Variants in MLF1 observed in about 807,000 individuals in gnomAD.
The protein encoded by MLF1 is myeloid leukemia factor 1.
A neutral mutation model predicts 38.3 loss-of-function variants in MLF1; 37 were observed. The observed-to-expected ratio is 0.96, with a 90% CI of 0.74 to 1.27. The LOEUF (loss-of-function observed/expected upper bound fraction) is 1.27, where lower values mean the gene tolerates loss of function less well. Ranked by LOEUF, MLF1 falls within the 50% of genes most tolerant of loss-of-function variation. MLF1 has a pLI of 0.00. For missense variants in MLF1, 331 were observed against 349.2 expected (o/e 0.95, Z 0.42); for synonymous variants, 95 against 106.5 (o/e 0.89, Z 0.66).
At chr3:158,592,646 A>G in intron 2 of MLF1, 65 bp downstream of exon 2, 3 of 1,268,372 alleles carry the variant, frequency 2.4e-6, no homozygotes, top group Non-Finnish European at 2.2e-6. Flanking sequence ...AAAGTATTAC[A>G]GAAGTATATA....
intron 1 of MLF1, chr3:158,590,920 C>T (rs754183517): frequency 8.3e-5 from 34 of 410,064 alleles, no homozygotes; most frequent in Non-Finnish European, 2.9e-5. Flanking sequence ...TACATACAAG[C>T]ACAAATCCAG....
At chr3:158,580,216 C>G (rs1369563) in intron 1 of MLF1, among the ~76,000 whole-genome samples, 85,244 of 151,352 alleles carry the variant, frequency 0.56, 24,864 homozygotes, top group African/African-American at 0.72. Flanking sequence ...TGGGTTGATA[C>G]GTGTAGCAAA....
At chr3:158,603,893 G>A (rs1720149689) in intron 7 of MLF1, among the ~76,000 whole-genome samples, 1 of 152,060 alleles carries the variant, frequency 6.6e-6, no homozygotes, top group South Asian at 2.1e-4. Context: ...TACATACTCT[G>A]GAGCTACAGT....
At chr3:158,602,083 C>T (rs771373195) in intron 6 of MLF1, among the ~76,000 whole-genome samples, 44 of 151,744 alleles carry the variant, frequency 2.9e-4, no homozygotes, top group Non-Finnish European at 1.2e-4. Flanking sequence ...CCCAAAGTGC[C>T]GGGATTACAG....
rs568836541 is a variant in MLF1, at chr3:158,579,356, G to C, written c.47+8009G>C. Among the ~76,000 whole-genome samples, 77 of 152,234 alleles carry C rather than the reference G, an allele frequency of 5.1e-4. 2 individuals are homozygous for C. The South Asian group carries it at 0.016, about 31-fold the overall frequency. On this transcript the variant is annotated intron_variant, in intron 1 of 7. Transcript: ENST00000466246. Reference sequence around the variant, plus strand: ...AACATTAAAGCCTTATCTCCAAGCAGCTGCCTTTCTGGGTAGACATGAATT... The same window carrying C: ...AACATTAAAGCCTTATCTCCAAGCACCTGCCTTTCTGGGTAGACATGAATT...
chr3:158,582,782 C>T (rs1230193951), intron 1 of MLF1: 4 of 629,978 alleles, frequency 6.3e-6, no homozygotes, highest in African/African-American at 1.9e-5. Flanking sequence ...TAGACTGTCT[C>T]AGACAAACAA....
At chr3:158,586,800 A>G (rs1176435316) in intron 1 of MLF1, among the ~76,000 whole-genome samples, 1 of 110,624 alleles carries the variant, frequency 9.0e-6, no homozygotes, top group African/African-American at 4.3e-5. Context: ...CTGATTAAGG[A>G]AAAAATGTGG....
intron 1 of MLF1, among the ~76,000 whole-genome samples, chr3:158,573,810 TG>T (rs113664416): frequency 0.33 from 50,275 of 151,936 alleles, 8,440 homozygotes; most frequent in Middle Eastern, 0.37. Flanking sequence ...TGTGCGTCTG[TG>T]TTTGTTTGTT....
intron 1 of MLF1, among the ~76,000 whole-genome samples, chr3:158,589,965 G>C (rs1717884741): frequency 6.6e-6 from 1 of 152,088 alleles, no homozygotes; most frequent in African/African-American, 2.4e-5. Flanking sequence ...TGATTACATT[G>C]GGCCCACTGG....
chr3:158,580,404 A>G (rs751689907), intron 1 of MLF1, among the ~76,000 whole-genome samples: 19 of 152,130 alleles, frequency 1.2e-4, no homozygotes, highest in African/African-American at 3.4e-4. Context: ...CTGATTTTGG[A>G]AAACAAAAAA....
chr3:158,588,231 G>C (rs1261633084), intron 1 of MLF1, among the ~76,000 whole-genome samples: 1 of 152,152 alleles, frequency 6.6e-6, no homozygotes, highest in African/African-American at 2.4e-5. Flanking sequence ...AGCCTCAACT[G>C]ATAACTTCAT....
chr3:158,594,368 G>A (rs1718593599), intron 3 of MLF1, among the ~76,000 whole-genome samples: 1 of 152,160 alleles, frequency 6.6e-6, no homozygotes, highest in African/African-American at 2.4e-5. Context: ...AGACCTGCAG[G>A]CTAGGGAGCT....
intron 3 of MLF1, among the ~76,000 whole-genome samples, chr3:158,595,529 A>G (rs550194902): frequency 6.6e-6 from 1 of 152,232 alleles, no homozygotes; most frequent in South Asian, 2.1e-4. Flanking sequence ...ACCTTTCCAT[A>G]TCTCATGAAA....
rs1312929729 is a variant in MLF1, at chr3:158,606,173, A to G, written c.*971A>G. 1 of 177,874 alleles carries G rather than the reference A, an allele frequency of 5.6e-6. No homozygotes were observed. Among genetic ancestry groups the G allele is most frequent in the Non-Finnish European group, 1.2e-5 (1 of 82,762 alleles). 11.0% of individuals were successfully genotyped at this position (177,874 alleles called of 1,614,324 possible). On this transcript the variant is annotated 3_prime_UTR_variant, in exon 8 of 8. Transcript: ENST00000466246. ...CATTAAAAATCAGCTTTAGCTTTTT[A>G]ATTCTAGAATTTAAGCATCAGTCTG...
rs549220747 is a variant in MLF1 at position 158,584,725 on chromosome 3, C to A, written c.48-7709C>A. 4.7e-4 allele frequency among the ~76,000 whole-genome samples: 71 copies of A among 150,904 alleles called. 1 individual carries two copies. The highest frequency in any genetic ancestry group is 6.8e-3 in the Middle Eastern group (2 of 294). On this transcript the variant is annotated intron_variant, in intron 1 of 7. Coordinates refer to ENST00000466246, the MANE Select transcript of MLF1 (RefSeq NM_001369783.1). ...TATACTTTTTTATGTATATACCCCC[C>A]CCTACCAATAGAAAGTCTAACAGGG...
At chr3:158,598,319 A>C in intron 5 of MLF1, 111 bp downstream of exon 5, 6 of 525,658 alleles carry the variant, frequency 1.1e-5, no homozygotes, top group Non-Finnish European at 1.8e-5. Context: ...GTGGGGGGAC[A>C]GGAGGGAGGT....
intron 1 of MLF1, among the ~76,000 whole-genome samples, chr3:158,579,987 T>C (rs1202954925): frequency 1.3e-5 from 2 of 152,244 alleles, no homozygotes; most frequent in Non-Finnish European, 2.9e-5. Flanking sequence ...CAGTTACATT[T>C]ATTATGAAAT....
intron 7 of MLF1, 113 bp downstream of exon 7, chr3:158,603,052 T>G: frequency 1.2e-6 from 1 of 855,352 alleles, no homozygotes. Context: ...GTATCCACAG[T>G]ATCTTTTGTG....
At chr3:158,575,093 T>A (rs1047505569) in intron 1 of MLF1, among the ~76,000 whole-genome samples, 1 of 152,116 alleles carries the variant, frequency 6.6e-6, no homozygotes, top group Admixed American at 6.5e-5. Flanking sequence ...AGACTACAAA[T>A]AGTAAGCATA....
Sources: allele counts gnomAD v4.1 joint callset (sites outside exome capture counted in the v4.1 genomes callset), GRCh38; gene constraint gnomAD v4.1.1; transcripts MANE v1.5; gene names NCBI Gene and HGNC (gene_info 2026-07-23, HGNC 2026-07-21).